Variants in CSMD1 observed in about 807,000 individuals in gnomAD.
The protein encoded by CSMD1 is CUB and sushi domain-containing protein 1.
CSMD1 carries 213 observed loss-of-function variants against 417.5 expected under a neutral mutation model. The ratio of observed to expected loss-of-function variants is 0.51; its 90% confidence interval spans 0.46 to 0.57. The LOEUF (loss-of-function observed/expected upper bound fraction) is 0.57. CSMD1 is among the 20% of genes least tolerant of loss of function. The pLI is 0.00. For synonymous variants in CSMD1, 2,862 were observed against 1,736.8 expected, an observed-to-expected ratio of 1.65 and a Z score of -16.11; for missense variants, 6,923 against 4,529.7, an observed-to-expected ratio of 1.53 and a Z score of -15.17.
intron 2 of CSMD1, among the ~76,000 whole-genome samples, chr8:4,529,665 AG>A (rs1373829779): frequency 1.3e-5 from 2 of 152,132 alleles, no homozygotes; most frequent in Non-Finnish European, 2.9e-5. Context: ...CCATATTAAC[AG>A]CAAATTAGTT....
At chr8:4,379,575 T>G (rs1007122090) in intron 3 of CSMD1, among the ~76,000 whole-genome samples, 1 of 152,206 alleles carries the variant, frequency 6.6e-6, no homozygotes, top group African/African-American at 2.4e-5. Context: ...GTGTCTAAAA[T>G]TATTTCAAAG....
chr8:4,695,059 G>C (rs1169117374), intron 1 of CSMD1, among the ~76,000 whole-genome samples: 1 of 151,856 alleles, frequency 6.6e-6, no homozygotes, highest in Non-Finnish European at 1.5e-5. Flanking sequence ...CCCCTTATGG[G>C]AATGTTCTTA....
intron 48 of CSMD1, among the ~76,000 whole-genome samples, chr8:3,090,573 G>T (rs1483752198): frequency 6.6e-6 from 1 of 152,062 alleles, no homozygotes; most frequent in East Asian, 1.9e-4. Context: ...TCTTACAACT[G>T]CTGTTTTAAC....
At chr8:4,055,683 A>C (rs1355740900) in intron 3 of CSMD1, among the ~76,000 whole-genome samples, 3 of 152,172 alleles carry the variant, frequency 2.0e-5, no homozygotes, top group African/African-American at 7.2e-5. Context: ...CCAAAGTAAC[A>C]ATATACTTTG....
intron 49 of CSMD1, among the ~76,000 whole-genome samples, chr8:3,072,043 T>A (rs1813355369): frequency 6.6e-6 from 1 of 152,242 alleles, no homozygotes; most frequent in Admixed American, 6.5e-5. Context: ...GGATAATGCA[T>A]TCCATACAAT....
intron 26 of CSMD1, among the ~76,000 whole-genome samples, chr8:3,254,257 T>C (rs879910406): frequency 3.3e-5 from 5 of 152,222 alleles, no homozygotes; most frequent in Admixed American, 2.6e-4. Flanking sequence ...GTTAGTCTGA[T>C]GGGCTTCCCT....
intron 1 of CSMD1, among the ~76,000 whole-genome samples, chr8:4,952,353 A>AGAACTGC (rs1563852902): frequency 2.3e-5 from 2 of 87,890 alleles, no homozygotes; most frequent in Admixed American, 1.3e-4. Flanking sequence ...AGTGAAACTG[A>AGAACTGC]ATAATGTATG....
chr8:4,619,306 G>A (rs1320399081), intron 2 of CSMD1, among the ~76,000 whole-genome samples: 3 of 152,112 alleles, frequency 2.0e-5, no homozygotes, highest in Non-Finnish European at 2.9e-5. Context: ...AAGCAATATA[G>A]CCTTCTCCAA....
chr8:4,475,648 C>T (rs1046193041), intron 2 of CSMD1, among the ~76,000 whole-genome samples: 4 of 150,438 alleles, frequency 2.7e-5, no homozygotes, highest in African/African-American at 9.8e-5. Flanking sequence ...ACGGAGTCGC[C>T]CTTTGTCACC....
intron 8 of CSMD1, among the ~76,000 whole-genome samples, chr8:3,603,274 G>A (rs1268933152): frequency 1.3e-5 from 2 of 152,092 alleles, no homozygotes; most frequent in African/African-American, 4.8e-5. Flanking sequence ...TCCTTCAAAA[G>A]CTACCTGCCT....
At chr8:4,147,848 C>A (rs1414931561) in intron 3 of CSMD1, among the ~76,000 whole-genome samples, 1 of 152,056 alleles carries the variant, frequency 6.6e-6, no homozygotes, top group Non-Finnish European at 1.5e-5. Context: ...CTTCTCTGGT[C>A]TGGAAATGGT....
chr8:3,253,494 ATG>A (rs1351000634), intron 26 of CSMD1, among the ~76,000 whole-genome samples: 1 of 152,150 alleles, frequency 6.6e-6, no homozygotes, highest in African/African-American at 2.4e-5. Context: ...GCTGAAAAGA[ATG>A]TATATTCTGT....
intron 3 of CSMD1, among the ~76,000 whole-genome samples, chr8:4,275,885 ATAAAT>A (rs1473416600): frequency 6.6e-6 from 1 of 152,218 alleles, no homozygotes; most frequent in African/African-American, 2.4e-5. Context: ...TGGATGAACA[ATAAAT>A]TAACTTGCAC....
chr8:3,502,803 C>A (rs919830096), intron 10 of CSMD1, among the ~76,000 whole-genome samples: 2 of 152,148 alleles, frequency 1.3e-5, no homozygotes, highest in African/African-American at 4.8e-5. Context: ...TATACAGTTG[C>A]CCAAATCCAC....
chr8:4,415,094 A>T (rs1015753085), intron 3 of CSMD1, among the ~76,000 whole-genome samples: 5 of 152,144 alleles, frequency 3.3e-5, no homozygotes, highest in Admixed American at 6.6e-5. Context: ...CTCACGGAGT[A>T]AGTTTTCTAT....
intron 4 of CSMD1, among the ~76,000 whole-genome samples, chr8:3,998,849 A>C (rs1815432880): frequency 1.3e-5 from 2 of 150,596 alleles, no homozygotes. Context: ...AAAATATTAT[A>C]TGCATTTTAA....
chr8:4,084,662 G>A (rs542354349), intron 3 of CSMD1, among the ~76,000 whole-genome samples: 1 of 152,078 alleles, frequency 6.6e-6, no homozygotes, highest in African/African-American at 2.4e-5. Flanking sequence ...ACATTAGCAA[G>A]ACCAGTAGGG....
At chr8:4,215,701 C>A (rs1338185493) in intron 3 of CSMD1, among the ~76,000 whole-genome samples, 1 of 152,070 alleles carries the variant, frequency 6.6e-6, no homozygotes, top group Non-Finnish European at 1.5e-5. Flanking sequence ...TATGCAGATT[C>A]TTTAAAACTC....
At chr8:4,414,380 A>C (rs1318200528) in intron 3 of CSMD1, among the ~76,000 whole-genome samples, 1 of 152,162 alleles carries the variant, frequency 6.6e-6, no homozygotes, top group African/African-American at 2.4e-5. Flanking sequence ...GTGAAAATTC[A>C]AGGACTGTAT....
Sources: allele counts gnomAD v4.1 joint callset (sites outside exome capture counted in the v4.1 genomes callset), GRCh38; gene constraint gnomAD v4.1.1; transcripts MANE v1.5; gene names NCBI Gene and HGNC (gene_info 2026-07-23, HGNC 2026-07-21).